The following POFUT3 variants were observed in gnomAD, a reference collection of about 807,000 sequenced individuals.
POFUT3 encodes the protein protein O-fucosyltransferase 3.
chr8:33,468,076 C>CA, the POFUT3 span, among the ~76,000 whole-genome samples: 1 of 151,926 alleles, frequency 6.6e-6, no homozygotes, highest in African/African-American at 2.4e-5. Flanking sequence ...CTCATCTCTA[C>CA]AAAAAATACA....
At chr8:33,467,358 A>G in the POFUT3 span, among the ~76,000 whole-genome samples, 1 of 151,524 alleles carries the variant, frequency 6.6e-6, no homozygotes, top group South Asian at 2.1e-4. Flanking sequence ...AGGCGATGCC[A>G]TTCTTAAATT....
the POFUT3 span, among the ~76,000 whole-genome samples, chr8:33,342,206 A>AATTAAAAT: frequency 6.6e-6 from 1 of 151,962 alleles, no homozygotes; most frequent in Non-Finnish European, 1.5e-5. Flanking sequence ...AAAATTAAAA[A>AATTAAAAT]ATTAGCCAGG....
chr8:33,372,850 A>G, the POFUT3 span: 1 of 1,555,574 alleles, frequency 6.4e-7, no homozygotes, highest in Non-Finnish European at 8.8e-7. Context: ...TATGATAATG[A>G]AGCACAATTC....
the POFUT3 span, among the ~76,000 whole-genome samples, chr8:33,341,157 G>A: frequency 1.3e-5 from 2 of 151,936 alleles, no homozygotes; most frequent in African/African-American, 4.8e-5. Flanking sequence ...AATATTTGGC[G>A]AGGCGCGGTG....
the POFUT3 span, among the ~76,000 whole-genome samples, chr8:33,443,247 C>T: frequency 6.6e-6 from 1 of 152,144 alleles, no homozygotes; most frequent in Non-Finnish European, 1.5e-5. Flanking sequence ...GTAACTATCT[C>T]CTGAGACGAA....
the POFUT3 span, chr8:33,461,342 T>C: frequency 4.5e-5 from 71 of 1,581,094 alleles, no homozygotes; most frequent in East Asian, 1.5e-3. Context: ...GGCCCAGCTA[T>C]CAACACTACA....
the POFUT3 span, among the ~76,000 whole-genome samples, chr8:33,437,963 T>C: frequency 6.6e-6 from 1 of 152,204 alleles, no homozygotes; most frequent in Non-Finnish European, 1.5e-5. Context: ...TTATCAATGA[T>C]CTGATGTCAA....
chr8:33,404,180 A>C, the POFUT3 span, among the ~76,000 whole-genome samples: 1 of 152,144 alleles, frequency 6.6e-6, no homozygotes, highest in Admixed American at 6.5e-5. Context: ...TTGACTAAAA[A>C]TACAAAAATT....
At chr8:33,321,737 G>C in the POFUT3 span, among the ~76,000 whole-genome samples, 1 of 152,092 alleles carries the variant, frequency 6.6e-6, no homozygotes, top group African/African-American at 2.4e-5. Flanking sequence ...AAACTAACAA[G>C]TATTCCTTAT....
At chr8:33,403,559 A>T in the POFUT3 span, among the ~76,000 whole-genome samples, 1 of 151,982 alleles carries the variant, frequency 6.6e-6, no homozygotes, top group Non-Finnish European at 1.5e-5. Flanking sequence ...CTACAAAAAA[A>T]TTTTTGAAGT....
chr8:33,406,078 A>C, the POFUT3 span, among the ~76,000 whole-genome samples: 1 of 152,206 alleles, frequency 6.6e-6, no homozygotes, highest in Non-Finnish European at 1.5e-5. Context: ...ACATATGAGG[A>C]GAGACAGATA....
At chr8:33,341,501 T>C in the POFUT3 span, among the ~76,000 whole-genome samples, 52 of 149,802 alleles carry the variant, frequency 3.5e-4, 1 homozygote, top group East Asian at 7.3e-3. Context: ...AGCACACTTA[T>C]AATATTTCAG....
chr8:33,333,133 C>T, the POFUT3 span, among the ~76,000 whole-genome samples: 1 of 152,376 alleles, frequency 6.6e-6, no homozygotes, highest in East Asian at 1.9e-4. Flanking sequence ...AATCGCCAAA[C>T]TTCCCATTAG....
the POFUT3 span, among the ~76,000 whole-genome samples, chr8:33,358,383 G>T: frequency 6.6e-6 from 1 of 152,212 alleles, no homozygotes; most frequent in African/African-American, 2.4e-5. Flanking sequence ...AACTGGTCTA[G>T]ATTAACAGAG....
chr8:33,321,871 C>G, the POFUT3 span, among the ~76,000 whole-genome samples: 1 of 152,066 alleles, frequency 6.6e-6, no homozygotes, highest in Non-Finnish European at 1.5e-5. Flanking sequence ...TTAGGTGCAC[C>G]TTTTGAATGC....
chr8:33,335,848 A>G, the POFUT3 span, among the ~76,000 whole-genome samples: 3 of 152,194 alleles, frequency 2.0e-5, no homozygotes. Context: ...AAAGGTCTTC[A>G]TCCTCATGAT....
chr8:33,404,486 A>C, the POFUT3 span, among the ~76,000 whole-genome samples: 2 of 152,236 alleles, frequency 1.3e-5, no homozygotes, highest in South Asian at 2.1e-4. Context: ...ACGTGGAAAG[A>C]CTTCCCCACC....
chr8:33,415,154 C>T, the POFUT3 span, among the ~76,000 whole-genome samples: 1 of 151,922 alleles, frequency 6.6e-6, no homozygotes, highest in African/African-American at 2.4e-5. Flanking sequence ...CCCAGTTACT[C>T]AGGAGGCTGA....
At chr8:33,309,739 T>C in the POFUT3 span, among the ~76,000 whole-genome samples, 7 of 152,206 alleles carry the variant, frequency 4.6e-5, no homozygotes, top group Non-Finnish European at 8.8e-5. Flanking sequence ...AGTCTGACCA[T>C]AGTTTTGAAA....
Sources: gnomAD v4.1 joint callset for allele counts (sites outside exome capture counted in the v4.1 genomes callset) on GRCh38, gnomAD v4.1.1 for gene constraint, MANE v1.5 for transcripts, NCBI Gene and HGNC (gene_info 2026-07-23, HGNC 2026-07-21) for gene names.